Variants in CEP95 observed in about 807,000 individuals in gnomAD.
CEP95 encodes the protein centrosomal protein 95.
A neutral mutation model predicts 111.2 loss-of-function variants in CEP95; 98 were observed. The ratio of observed to expected loss-of-function variants is 0.88; its 90% CI spans 0.75 to 1.04. The LOEUF (loss-of-function observed/expected upper bound fraction) is 1.04, where lower values mean the gene tolerates loss of function less well. Among genes scored for constraint, CEP95 ranks in the 50% least tolerant of loss-of-function variants. The pLI is 0.00. For synonymous variants in CEP95, 323 were observed against 327.1 expected (o/e 0.99, Z 0.14); for missense variants, 1,027 against 977.2 (o/e 1.05, Z -0.68).
intron 13 of CEP95, 57 bp downstream of exon 13, chr17:64,531,075 A>G (rs1474243852): frequency 2.0e-6 from 2 of 992,660 alleles, no homozygotes; most frequent in South Asian, 1.7e-5. Flanking sequence ...TGGGAAGTAC[A>G]AAGATGATCT....
intron 16 of CEP95, among the ~76,000 whole-genome samples, chr17:64,533,719 T>C (rs1968448494): frequency 2.6e-5 from 4 of 152,192 alleles, no homozygotes; most frequent in African/African-American, 9.7e-5. Context: ...TTCTATGAAA[T>C]GAAAACCCTG....
At position 64,531,000 on chromosome 17, in the gene CEP95, T is replaced by A. The variant is rs1353494003; in HGVS notation, c.1521T>A (p.His507Gln). 1 of 1,548,944 alleles carries A rather than the reference T, an allele frequency of 6.5e-7. No individual in the cohort carries two copies. The highest frequency in any genetic ancestry group is 1.4e-5 in the African/African-American group (1 of 73,344). The change falls in exon 13 of 20, where the codon CAT becomes CAA. Residue 507 changes from histidine (H) to glutamine (Q), a missense_variant. By Grantham distance (24) the His-to-Gln change is conservative. Transcript: ENST00000556440. ...AGAATATTGGACCTCTAAGAATACATGAGAAGGAGGAGGAAACAGTGGGTA... is the reference window on the plus strand; with the variant it reads ...AGAATATTGGACCTCTAAGAATACAAGAGAAGGAGGAGGAAACAGTGGGTA... ...VQENIGPLRI[H>Q]EKEEETEKIY...
Position 64,508,081 on chromosome 17 carries a change from T to G in CEP95, c.20-511T>G, listed in dbSNP as rs188031822. Reference sequence around the variant, plus strand: ...CCGTTGATGTTGTTATTATACCAGTTCTTAACAGCCTAAGTTTAATCACCA... The same window carrying G: ...CCGTTGATGTTGTTATTATACCAGTGCTTAACAGCCTAAGTTTAATCACCA... On this transcript the variant is annotated intron_variant, in intron 1 of 19. Coordinates refer to ENST00000556440, the MANE Select transcript of CEP95 (RefSeq NM_138363.3). 6 of 985,418 alleles carry G rather than the reference T, an allele frequency of 6.1e-6. No homozygotes were observed. In the Admixed American group the frequency reaches 2.5e-4, roughly 40 times the overall value. 61.0% of individuals were successfully genotyped at this position (985,418 alleles called of 1,614,324 possible).
chr17:64,531,942 A>G lies in CEP95; in HGVS notation c.1592A>G (p.Gln531Arg). Residue 531 changes from glutamine (Q) to arginine (R), a missense_variant, in exon 14 of 20, where the codon CAG becomes CGG. Gln to Arg is a conservative substitution (Grantham distance 43). Coordinates refer to ENST00000556440, the MANE Select transcript of CEP95 (RefSeq NM_138363.3). ...CGTAAAGGAACTCCAGAATGTAGTC[A>G]GCCCTGGAAGATTTACTCTAGAAAA... ...AVRKGTPECS[Q>R]PWKIYSRKTT... The G allele has an allele frequency of 1.9e-6, 3 of 1,610,432 alleles. No homozygotes were observed. Among genetic ancestry groups the G allele is most frequent in the South Asian group, 2.2e-5 (2 of 90,296 alleles).
rs537175038 is a variant in CEP95 at position 64,508,191 on chromosome 17, C to T, written c.20-401C>T. The T allele has an allele frequency of 6.4e-5, 63 of 985,370 alleles. 1 individual carries two copies. The South Asian group carries it at 2.7e-3, about 42-fold the overall frequency. The allele number at this position is 985,370 out of a possible 1,614,324, so 61.0% of individuals were successfully genotyped here. ...AATACTATTGCAAGTGCGAAGCAGC[C>T]TCCATTAATGAGTTTCTGGTAACCT... On this transcript the variant is annotated intron_variant, in intron 1 of 19. Transcript: ENST00000556440.
chr17:64,529,497 T>C (rs1968110693), intron 12 of CEP95, 70 bp downstream of exon 12: 1 of 1,482,870 alleles, frequency 6.7e-7, no homozygotes, highest in African/African-American at 1.4e-5. Flanking sequence ...GATGCTACCA[T>C]GAACATGCTG....
chr17:64,510,978 T>G (rs782762171), intron 3 of CEP95, among the ~76,000 whole-genome samples: 4 of 152,156 alleles, frequency 2.6e-5, no homozygotes, highest in Non-Finnish European at 4.4e-5. Flanking sequence ...GGGGGAGACA[T>G]CACATGTCTG....
Position 64,525,847 on chromosome 17 carries a change from AG to A in CEP95, c.990del (p.Pro331LeufsTer33). 6.3e-7 allele frequency: 1 copy of A among 1,592,968 alleles called. No homozygotes were observed. The highest frequency in any genetic ancestry group is 8.5e-7 in the Non-Finnish European group (1 of 1,174,140). On this transcript the variant is annotated frameshift_variant, in exon 9 of 20. Transcript: ENST00000556440. LOFTEE classifies it high-confidence loss of function. ...KWEVYPAQVQGPRTRKPPKGK... is the reference protein window; with the variant it reads ...KWEVYPAQVQXPRTRKPPKGK... Reference sequence around the variant, plus strand: ...GGGAAGTATATCCAGCTCAGGTCCAAGGGCCTAGGACAAGGAAGCCTCCCAA... The same window carrying A: ...GGGAAGTATATCCAGCTCAGGTCCAAGGCCTAGGACAAGGAAGCCTCCCAA...
At chr17:64,524,483 T>A (rs191379345) in intron 8 of CEP95, among the ~76,000 whole-genome samples, 1,907 of 152,040 alleles carry the variant, frequency 0.013, 19 homozygotes, top group Middle Eastern at 0.017. Flanking sequence ...TGATTTTTTT[T>A]AAAAATATTT....
Position 64,507,429 on chromosome 17 carries a change from C to T in CEP95, c.19+313C>T, listed in dbSNP as rs1555673321. 4.4e-6 allele frequency: 6 copies of T among 1,349,886 alleles called. No individual in the cohort carries two copies. The South Asian group carries it at 5.2e-5, about 12-fold the overall frequency. 83.6% of individuals were successfully genotyped at this position (1,349,886 alleles called of 1,614,324 possible). ...CTTGTCTTTCTGTGGGGCGTCTAGC[C>T]GCTGTCCGTGTGCCCTCCGCCCTTG... On this transcript the variant is annotated intron_variant, in intron 1 of 19. Transcript: ENST00000556440.
Position 64,532,038 on chromosome 17 carries a change from T to C in CEP95, c.1672+16T>C, listed in dbSNP as rs555171782. ...GCAGTTCCAAGTAAGAACCACAGAA[T>C]TGTACTTTATGGAAAACTGGCAACC... On this transcript the variant is annotated intron_variant, in intron 14 of 19. Transcript: ENST00000556440. The C allele has an allele frequency of 6.5e-7, 1 of 1,540,088 alleles. No individual in the cohort carries two copies. The highest frequency in any genetic ancestry group is 1.4e-5 in the African/African-American group (1 of 71,640).
At chr17:64,529,004 C>T (rs1211705131) in intron 11 of CEP95, among the ~76,000 whole-genome samples, 2 of 152,196 alleles carry the variant, frequency 1.3e-5, no homozygotes, top group Non-Finnish European at 2.9e-5. Context: ...GCATCTCCCC[C>T]TATCACCAAG....
At position 64,507,108 on chromosome 17, in the gene CEP95, C is replaced by A. The variant is rs1184816135; in HGVS notation, c.11C>A (p.Ser4Ter). 1.3e-6 allele frequency: 2 copies of A among 1,551,328 alleles called. No homozygotes were observed. The highest frequency in any genetic ancestry group is 8.7e-7 in the Non-Finnish European group (1 of 1,146,966). Residue 4 changes from serine (S) to a stop codon, truncating the protein, a stop_gained, in exon 1 of 20, where the codon TCG (serine) becomes TAG (stop). Coordinates refer to ENST00000556440, the MANE Select transcript of CEP95 (RefSeq NM_138363.3). LOFTEE classifies it high-confidence loss of function. The part of the protein sequence containing the change: MAG[S>*]DAEWVTIANN... Reference sequence around the variant, plus strand: ...ACCTGCCTCTGAAACATGGCAGGCTCGGATGCTGGTGAGTGTCTCCCTGGG... The same window carrying A: ...ACCTGCCTCTGAAACATGGCAGGCTAGGATGCTGGTGAGTGTCTCCCTGGG...
chr17:64,520,766 A>C (rs1555677494), intron 6 of CEP95, among the ~76,000 whole-genome samples: 1 of 152,212 alleles, frequency 6.6e-6, no homozygotes, highest in African/African-American at 2.4e-5. Flanking sequence ...GTACTAGCTA[A>C]GACCCTAACT....
At position 64,516,839 on chromosome 17, in the gene CEP95, G is replaced by T. The variant is rs781806588; in HGVS notation, c.473+11G>T. 1.4e-6 allele frequency: 2 copies of T among 1,465,300 alleles called. No homozygotes were observed. The highest frequency in any genetic ancestry group is 1.7e-4 in the Middle Eastern group (1 of 5,774). The allele number at this position is 1,465,300 out of a possible 1,614,324, so 90.8% of individuals were successfully genotyped here. On this transcript the variant is annotated intron_variant, in intron 5 of 19. Transcript: ENST00000556440. ...AGTTTCTTTTGGGAGGTAGCACTTA[G>T]TGTCTCTGAATTTGATGAAAACAAG...
chr17:64,514,499 A>G (rs1555675946), intron 4 of CEP95, 141 bp downstream of exon 4: 1 of 529,290 alleles, frequency 1.9e-6, no homozygotes. Flanking sequence ...TAAATTTCAA[A>G]TTCTTATTGT....
At position 64,536,876 on chromosome 17, in the gene CEP95, A is replaced by G. The variant is rs1260654160; in HGVS notation, c.2217+128A>G. ...AAGTTTGCACTCTACAGATTAGAGG[A>G]CCCCATTTCAAGATTGAAATTTAAG... is the stretch of plus-strand genomic sequence containing the variant. On this transcript the variant is annotated intron_variant, in intron 18 of 19. Coordinates refer to ENST00000556440, the MANE Select transcript of CEP95 (RefSeq NM_138363.3). The G allele has an allele frequency of 2.5e-6, 3 of 1,207,208 alleles. No homozygotes were observed. The African/African-American group carries it at 4.6e-5, about 18-fold the overall frequency. 74.8% of individuals were successfully genotyped at this position (1,207,208 alleles called of 1,614,324 possible). A position where few individuals can be genotyped will look rare whatever the true frequency, so the allele number is the denominator to read the frequency against.
intron 3 of CEP95, among the ~76,000 whole-genome samples, chr17:64,511,330 C>T (rs372631725): frequency 1.3e-5 from 2 of 152,274 alleles, no homozygotes; most frequent in East Asian, 1.9e-4. Context: ...TCTATTTCAG[C>T]CCTACAGTCT....
chr17:64,515,342 A>G (rs2039086729), intron 4 of CEP95, among the ~76,000 whole-genome samples: 1 of 152,244 alleles, frequency 6.6e-6, no homozygotes, highest in African/African-American at 2.4e-5. Context: ...CAAGGCTACC[A>G]GTAGGTATTT....
Sources: gnomAD v4.1 joint callset for allele counts (sites outside exome capture counted in the v4.1 genomes callset) on GRCh38, gnomAD v4.1.1 for gene constraint, MANE v1.5 for transcripts, NCBI Gene and HGNC (gene_info 2026-07-23, HGNC 2026-07-21) for gene names.